AUH: variants seen among roughly 807,000 people sequenced by gnomAD.
AUH encodes the protein AU RNA binding methylglutaconyl-CoA hydratase.
A neutral mutation model predicts 42.3 loss-of-function variants in AUH; 29 were observed. The observed-to-expected ratio is 0.69, with a 90% CI of 0.51 to 0.93. The LOEUF (loss-of-function observed/expected upper bound fraction) is 0.93, where lower values mean the gene tolerates loss of function less well. AUH is among the 40% of genes least tolerant of loss of function. The pLI is 0.00. For missense variants in AUH, 452 were observed against 438.1 expected, an observed-to-expected ratio of 1.03 and a Z score of -0.28; for synonymous variants, 174 against 166.4, an observed-to-expected ratio of 1.05 and a Z score of -0.35.
intron 3 of AUH, among the ~76,000 whole-genome samples, chr9:91,331,676 T>C (rs1933275804): frequency 6.6e-6 from 1 of 152,272 alleles, no homozygotes; most frequent in African/African-American, 2.4e-5. Flanking sequence ...CCCACTATAA[T>C]GGCCCTCTCC....
intron 6 of AUH, among the ~76,000 whole-genome samples, chr9:91,275,078 A>G (rs1486474203): frequency 6.6e-6 from 1 of 152,184 alleles, no homozygotes; most frequent in African/African-American, 2.4e-5. Flanking sequence ...TACAACACAC[A>G]CTGGGTGGTG....
At chr9:91,357,072 A>C (rs1391630353) in intron 1 of AUH, among the ~76,000 whole-genome samples, 1 of 152,246 alleles carries the variant, frequency 6.6e-6, no homozygotes, top group Non-Finnish European at 1.5e-5. Flanking sequence ...ACTTCTGCTC[A>C]CAAGAGTAAA....
intron 6 of AUH, among the ~76,000 whole-genome samples, chr9:91,236,924 A>G (rs1828219387): frequency 6.6e-6 from 1 of 152,236 alleles, no homozygotes; most frequent in Non-Finnish European, 1.5e-5. Context: ...ACAAATCGAT[A>G]AAATGGCAGG....
intron 6 of AUH, among the ~76,000 whole-genome samples, chr9:91,280,483 T>C (rs1039705023): frequency 1.1e-4 from 16 of 152,254 alleles, no homozygotes; most frequent in Middle Eastern, 3.4e-3. Flanking sequence ...CTGACATAAA[T>C]TTGAGGTTAT....
intron 6 of AUH, among the ~76,000 whole-genome samples, chr9:91,292,729 C>G (rs962970097): frequency 6.6e-6 from 1 of 152,110 alleles, no homozygotes; most frequent in African/African-American, 2.4e-5. Flanking sequence ...GTAATTAGCA[C>G]AGTAACTTAA....
At chr9:91,229,940 G>A (rs2131281567) in intron 6 of AUH, among the ~76,000 whole-genome samples, 1 of 152,194 alleles carries the variant, frequency 6.6e-6, no homozygotes, top group Non-Finnish European at 1.5e-5. Context: ...TAAGTCTGAT[G>A]GGCTTCCCTT....
chr9:91,306,165 A>G (rs1423066037), intron 4 of AUH, among the ~76,000 whole-genome samples: 5 of 152,184 alleles, frequency 3.3e-5, no homozygotes, highest in Admixed American at 1.3e-4. Context: ...GCCCCCCAGT[A>G]CACGACTCTA....
intron 9 of AUH, 86 bp downstream of exon 9, chr9:91,215,973 G>C (rs1044739824): frequency 7.2e-7 from 1 of 1,390,120 alleles, no homozygotes; most frequent in Non-Finnish European, 1.0e-6. Context: ...GGGTAATCTT[G>C]CTCAGTGAAA....
chr9:91,224,400 C>A (rs1287018782), intron 6 of AUH, among the ~76,000 whole-genome samples: 2 of 152,088 alleles, frequency 1.3e-5, no homozygotes, highest in Non-Finnish European at 2.9e-5. Flanking sequence ...TTCTCCCATC[C>A]CATGGGTTGC....
chr9:91,262,900 T>TA (rs1188748440), intron 6 of AUH, among the ~76,000 whole-genome samples: 1 of 152,118 alleles, frequency 6.6e-6, no homozygotes, highest in Non-Finnish European at 1.5e-5. Context: ...TGGGGAGGGA[T>TA]AAATAGGAAT....
intron 3 of AUH, among the ~76,000 whole-genome samples, chr9:91,334,523 G>C (rs1354554590): frequency 1.1e-5 from 1 of 94,862 alleles, no homozygotes; most frequent in African/African-American, 4.3e-5. Flanking sequence ...GCCTTTGGAC[G>C]CAGACTGAAT....
At chr9:91,303,009 T>C (rs1587816035) in intron 4 of AUH, among the ~76,000 whole-genome samples, 1 of 152,200 alleles carries the variant, frequency 6.6e-6, no homozygotes, top group East Asian at 1.9e-4. Context: ...ATTTTCAGTT[T>C]CGTACCAGGA....
chr9:91,249,651 CA>C (rs1829013371), intron 6 of AUH, among the ~76,000 whole-genome samples: 1 of 152,084 alleles, frequency 6.6e-6, no homozygotes. Flanking sequence ...AGACCATGTT[CA>C]AAAAGGTATT....
chr9:91,325,952 A>G (rs1310737523), intron 3 of AUH, among the ~76,000 whole-genome samples: 1 of 152,148 alleles, frequency 6.6e-6, no homozygotes, highest in East Asian at 1.9e-4. Flanking sequence ...TGTCAACCAC[A>G]AGGGAGAAGC....
At chr9:91,223,224 C>T (rs139549091) in intron 6 of AUH, among the ~76,000 whole-genome samples, 1 of 152,156 alleles carries the variant, frequency 6.6e-6, no homozygotes, top group Non-Finnish European at 1.5e-5. Flanking sequence ...AAACCCTTGG[C>T]GTGGCTCACC....
At chr9:91,319,579 A>C (rs1237960180) in intron 4 of AUH, among the ~76,000 whole-genome samples, 1 of 152,216 alleles carries the variant, frequency 6.6e-6, no homozygotes, top group Admixed American at 6.5e-5. Context: ...TCCTGATAAG[A>C]TCTCAGGAGC....
At chr9:91,265,995 G>A (rs1028426703) in intron 6 of AUH, among the ~76,000 whole-genome samples, 17 of 151,942 alleles carry the variant, frequency 1.1e-4, no homozygotes, top group African/African-American at 3.9e-4. Flanking sequence ...GCCTTAAAAT[G>A]AGAAGGCAGA....
In AUH at chr9:91,298,038, G is replaced by T; in HGVS notation, c.544C>A (p.Leu182Ile). ...AGTTCAAGACCACCACCTAAAGCGAGTCCATCTATTGCTGCAATTGTTGGT... is the reference window on the plus strand; with the variant it reads ...AGTTCAAGACCACCACCTAAAGCGATTCCATCTATTGCTGCAATTGTTGGT... ...PVPTIAAIDG[L>I]ALGGGLELAL... Residue 182 changes from leucine (L) to isoleucine (I), a missense_variant, in exon 5 of 10, where the codon CTC becomes ATC. Coordinates refer to ENST00000375731, the MANE Select transcript of AUH (RefSeq NM_001698.3). 1 of 1,613,952 alleles carries T rather than the reference G, an allele frequency of 6.2e-7. No individual in the cohort carries two copies. The highest frequency in any genetic ancestry group is 8.5e-7 in the Non-Finnish European group (1 of 1,179,896).
intron 6 of AUH, among the ~76,000 whole-genome samples, chr9:91,264,108 T>C (rs991017145): frequency 6.6e-6 from 1 of 152,156 alleles, no homozygotes; most frequent in African/African-American, 2.4e-5. Context: ...GTATCTGCAA[T>C]ATTATATATA....
Sources: gnomAD v4.1 joint callset for allele counts (sites outside exome capture counted in the v4.1 genomes callset) on GRCh38, gnomAD v4.1.1 for gene constraint, MANE v1.5 for transcripts, NCBI Gene and HGNC (gene_info 2026-07-23, HGNC 2026-07-21) for gene names.